Variants in PRIM2 observed in about 807,000 individuals in gnomAD.
The protein encoded by PRIM2 is DNA primase large subunit.
A neutral mutation model predicts 67.3 loss-of-function variants in PRIM2; 39 were observed. The ratio of observed to expected loss-of-function variants is 0.58; its 90% CI spans 0.45 to 0.76. The LOEUF (loss-of-function observed/expected upper bound fraction) is 0.76. PRIM2 is among the 30% of genes least tolerant of loss of function. The pLI is 0.00. For missense variants in PRIM2, 398 were observed against 598.7 expected (o/e 0.66, Z 3.50); for synonymous variants, 143 against 198.7 (o/e 0.72, Z 2.36).
intron 10 of PRIM2, among the ~76,000 whole-genome samples, chr6:57,599,592 A>G (rs1368259376): frequency 1.7e-4 from 26 of 152,094 alleles, no homozygotes; most frequent in African/African-American, 5.8e-4. Context: ...ACACATTATC[A>G]TGCTATTTTC....
chr6:57,522,049 A>G (rs1774636381), intron 8 of PRIM2, among the ~76,000 whole-genome samples: 1 of 151,618 alleles, frequency 6.6e-6, no homozygotes, highest in South Asian at 2.1e-4. Flanking sequence ...AACATGTCAC[A>G]GCTTTCTTTG....
intron 3 of PRIM2, among the ~76,000 whole-genome samples, chr6:57,322,856 G>A (rs78514650): frequency 1.3e-5 from 2 of 152,308 alleles, no homozygotes; most frequent in East Asian, 1.9e-4. Context: ...AGTAGGTGAA[G>A]TCATCTGTTC....
intron 7 of PRIM2, among the ~76,000 whole-genome samples, chr6:57,418,517 C>T (rs1325046037): frequency 1.3e-5 from 2 of 150,164 alleles, no homozygotes; most frequent in Admixed American, 6.7e-5. Flanking sequence ...CTGCCTCAGC[C>T]TTCCGAGTAG....
intron 7 of PRIM2, among the ~76,000 whole-genome samples, chr6:57,449,922 C>T (rs1772486660): frequency 6.6e-6 from 1 of 152,060 alleles, no homozygotes; most frequent in African/African-American, 2.4e-5. Flanking sequence ...TAGTAAAATT[C>T]AGACTGTGTC....
chr6:57,290,268 A>G, the PRIM2 span, among the ~76,000 whole-genome samples: 4 of 152,238 alleles, frequency 2.6e-5, no homozygotes, highest in African/African-American at 9.6e-5. Flanking sequence ...AGGCCATTAC[A>G]TAATGGTAAA....
intron 7 of PRIM2, among the ~76,000 whole-genome samples, chr6:57,399,481 A>C (rs1011349499): frequency 2.6e-5 from 4 of 152,196 alleles, no homozygotes; most frequent in Non-Finnish European, 5.9e-5. Context: ...TGCTATTGTG[A>C]ATAGTGCCGC....
chr6:57,312,067 GGGGGGAGA>G, upstream of PRIM2, among the ~76,000 whole-genome samples: 1 of 5,250 alleles, frequency 1.9e-4, no homozygotes, highest in Non-Finnish European at 3.3e-4. Context: ...AGAGGGGAGA[GGGGGGAGA>G]GGGCTTTTCT....
chr6:57,644,134 G>A (rs1249689998), intron 13 of PRIM2, among the ~76,000 whole-genome samples: 2 of 152,154 alleles, frequency 1.3e-5, no homozygotes, highest in Non-Finnish European at 2.9e-5. Flanking sequence ...CACTTACCCT[G>A]ATTTTCAAGG....
chr6:57,256,963 T>C, the PRIM2 span, among the ~76,000 whole-genome samples: 4 of 152,188 alleles, frequency 2.6e-5, no homozygotes, highest in African/African-American at 4.8e-5. Context: ...TGCCTTGACA[T>C]TGGGGAAAAA....
At chr6:57,630,759 T>C (rs1777026067) in intron 12 of PRIM2, among the ~76,000 whole-genome samples, 1 of 152,172 alleles carries the variant, frequency 6.6e-6, no homozygotes, top group Non-Finnish European at 1.5e-5. Context: ...TAGATGTTTG[T>C]CAGTAATTAT....
intron 10 of PRIM2, among the ~76,000 whole-genome samples, chr6:57,567,025 A>G (rs1481044363): frequency 5.3e-5 from 8 of 152,146 alleles, no homozygotes; most frequent in Admixed American, 2.6e-4. Context: ...AGTGCTTACA[A>G]CCGTGCCTTG....
intron 10 of PRIM2, among the ~76,000 whole-genome samples, chr6:57,542,254 G>T (rs1775176216): frequency 1.3e-5 from 2 of 152,242 alleles, no homozygotes; most frequent in African/African-American, 4.8e-5. Flanking sequence ...GGGATTACAA[G>T]CGTGAGCTAC....
chr6:57,267,635 A>G, the PRIM2 span, among the ~76,000 whole-genome samples: 1 of 151,712 alleles, frequency 6.6e-6, no homozygotes, highest in African/African-American at 2.4e-5. Flanking sequence ...GTTGACATGC[A>G]CGGTGGCTCA....
Position 57,646,131 on chromosome 6 carries a change from A to G in PRIM2, c.1503A>G (p.Leu501=). Residue 501 remains leucine, a synonymous_variant, in exon 14 of 14, where the codon CTA becomes CTG. Transcript: ENST00000615550. ...CTCTGGAAATGGATATGGAAGGACTAGAAGATTACTTTAGTGAAGATTCTT... is the reference window on the plus strand; with the variant it reads ...CTCTGGAAATGGATATGGAAGGACTGGAAGATTACTTTAGTGAAGATTCTT... ...NSSLEMDMEG[L]EDYFSEDS The G allele has an allele frequency of 6.3e-7, 1 of 1,580,712 alleles. No homozygotes were observed. The highest frequency in any genetic ancestry group is 1.3e-5 in the African/African-American group (1 of 74,290).
At chr6:57,458,958 T>G in intron 7 of PRIM2, among the ~76,000 whole-genome samples, 1 of 152,364 alleles carries the variant, frequency 6.6e-6, no homozygotes, top group South Asian at 2.1e-4. Context: ...AGCAGAGCTT[T>G]ACTCAGCCCT....
intron 5 of PRIM2, among the ~76,000 whole-genome samples, chr6:57,337,453 C>G (rs373999602): frequency 0.012 from 1,711 of 147,562 alleles, 36 homozygotes; most frequent in African/African-American, 0.039. Context: ...TGACCACATA[C>G]TTGGAAGTAA....
chr6:57,624,512 G>T (rs1776912432), intron 12 of PRIM2, among the ~76,000 whole-genome samples: 1 of 152,154 alleles, frequency 6.6e-6, no homozygotes, highest in South Asian at 2.1e-4. Flanking sequence ...TATTCAGAGT[G>T]CCAGAGGGGA....
chr6:57,511,580 C>T (rs1442685173), intron 8 of PRIM2, among the ~76,000 whole-genome samples: 4 of 152,094 alleles, frequency 2.6e-5, no homozygotes, highest in Non-Finnish European at 5.9e-5. Flanking sequence ...TTTTGGTTTC[C>T]GTGCATTCTA....
At chr6:57,256,323 C>T in the PRIM2 span, among the ~76,000 whole-genome samples, 1 of 152,104 alleles carries the variant, frequency 6.6e-6, no homozygotes, top group African/African-American at 2.4e-5. Context: ...CATCACCCTA[C>T]AGGGCTATAT....
Sources: gnomAD v4.1 joint callset for allele counts (sites outside exome capture counted in the v4.1 genomes callset) on GRCh38, gnomAD v4.1.1 for gene constraint, MANE v1.5 for transcripts, NCBI Gene and HGNC (gene_info 2026-07-23, HGNC 2026-07-21) for gene names.